The following ERICH6B variants were observed in gnomAD, a reference collection of about 807,000 sequenced individuals.
The protein encoded by ERICH6B is glutamate rich 6B, also known as glutamate-rich protein 6B.
Under a neutral mutation model 80.0 loss-of-function variants are expected in ERICH6B, and 69 were observed. The observed-to-expected ratio is 0.86, with a 90% confidence interval of 0.71 to 1.05. The LOEUF (loss-of-function observed/expected upper bound fraction) is 1.05. Ranked by LOEUF, ERICH6B falls within the 50% of genes least tolerant of loss-of-function variation. ERICH6B has a pLI of 0.00. For missense variants in ERICH6B, 754 were observed against 796.1 expected (o/e 0.95, Z 0.64); for synonymous variants, 283 against 291.9 (o/e 0.97, Z 0.31).
intron 4 of ERICH6B, among the ~76,000 whole-genome samples, chr13:45,589,085 C>G (rs1456024189): frequency 6.6e-6 from 1 of 152,170 alleles, no homozygotes; most frequent in Non-Finnish European, 1.5e-5. Context: ...CCTTCCCCAA[C>G]CCTTGCCTGT....
At position 45,580,614 on chromosome 13, in the gene ERICH6B, A is replaced by G. The variant is rs11618506; in HGVS notation, c.908T>C (p.Leu303Pro). The change falls in exon 6 of 15, where the codon CTG becomes CCG. Residue 303 changes from leucine (L) to proline (P), a missense_variant. Leu to Pro is a moderately conservative substitution (Grantham distance 98). Coordinates refer to ENST00000298738, the MANE Select transcript of ERICH6B (RefSeq NM_182542.3). ...SETEQETTTK[L>P]APEEHVNTKV... is the part of the protein sequence containing the mutation. ...ATCATAAACTTTACCTTCCGGAGCC[A>G]GCTTCGTGGTGGTTTCTTGCTCTGT... 0.07 allele frequency: 109,077 copies of G among 1,551,390 alleles called. 6,048 individuals carry two copies. Among genetic ancestry groups the G allele is most frequent in the African/African-American group, 0.27 (19,686 of 73,064 alleles).
intron 2 of ERICH6B, among the ~76,000 whole-genome samples, chr13:45,606,534 TATATA>T (rs1949865003): frequency 4.0e-4 from 7 of 17,698 alleles, no homozygotes; most frequent in African/African-American, 5.1e-4. Context: ...TATATATATA[TATATA>T]TATATATATT....
In ERICH6B at chr13:45,587,079, G is replaced by C; in HGVS notation, c.840C>G (p.Cys280Trp). The C allele has an allele frequency of 6.4e-7, 1 of 1,551,648 alleles. No individual in the cohort carries two copies. The highest frequency in any genetic ancestry group is 8.7e-7 in the Non-Finnish European group (1 of 1,146,958). The change falls in exon 5 of 15, where the codon TGC (cysteine) becomes TGG (tryptophan). Residue 280 changes from cysteine to tryptophan, a missense_variant. Transcript: ENST00000298738. Reference protein sequence around the residue: ...RRSQASQTDWCYDRTAVKSLK... With the variant: ...RRSQASQTDWWYDRTAVKSLK... ...TTCCCTCACCGGCAGTTCTGTCGTA[G>C]CACCAGTCTGTCTGACTGGCCTGGC... is the stretch of plus-strand genomic sequence containing the variant.
intron 13 of ERICH6B, 39 bp from the exon 14 acceptor site, chr13:45,545,024 C>A: frequency 6.8e-7 from 1 of 1,480,236 alleles, no homozygotes; most frequent in African/African-American, 1.4e-5. Context: ...CCAGGGCGCT[C>A]AGCCCTGGGC....
intron 3 of ERICH6B, among the ~76,000 whole-genome samples, chr13:45,596,148 TCCTC>T (rs1483575251): frequency 6.6e-6 from 1 of 152,144 alleles, no homozygotes; most frequent in Non-Finnish European, 1.5e-5. Flanking sequence ...AAATGAGTCT[TCCTC>T]CCTGTCAGCA....
intron 5 of ERICH6B, among the ~76,000 whole-genome samples, chr13:45,581,890 G>C (rs1038178511): frequency 1.3e-5 from 2 of 152,148 alleles, no homozygotes; most frequent in Non-Finnish European, 2.9e-5. Context: ...TACAGACAAG[G>C]AGCTCTCCAA....
intron 3 of ERICH6B, among the ~76,000 whole-genome samples, chr13:45,595,389 A>G (rs1258706746): frequency 6.6e-6 from 1 of 152,176 alleles, no homozygotes; most frequent in East Asian, 1.9e-4. Context: ...ATTAAATGAT[A>G]TTCATATAAG....
intron 2 of ERICH6B, among the ~76,000 whole-genome samples, chr13:45,603,058 G>T (rs948031434): frequency 3.3e-5 from 5 of 152,190 alleles, no homozygotes; most frequent in Non-Finnish European, 7.3e-5. Flanking sequence ...GAGGAGGGGG[G>T]CCCCTAGTGT....
chr13:45,573,453 T>A (rs1875258376), intron 8 of ERICH6B, among the ~76,000 whole-genome samples: 1 of 151,806 alleles, frequency 6.6e-6, no homozygotes, highest in African/African-American at 2.4e-5. Context: ...GCTTGAGACA[T>A]TTATTTCATA....
At chr13:45,614,159 C>T (rs545865367) in intron 1 of ERICH6B, among the ~76,000 whole-genome samples, 31 of 152,274 alleles carry the variant, frequency 2.0e-4, no homozygotes, top group African/African-American at 5.5e-4. Context: ...ATATTTCTGA[C>T]GGCTCCTCCA....
intron 11 of ERICH6B, among the ~76,000 whole-genome samples, chr13:45,560,412 C>T (rs1874621115): frequency 6.6e-6 from 1 of 152,124 alleles, no homozygotes; most frequent in African/African-American, 2.4e-5. Flanking sequence ...TCAACACCCC[C>T]CCACCTGAGA....
chr13:45,564,512 A>G (rs138224660), intron 9 of ERICH6B, among the ~76,000 whole-genome samples: 2 of 152,350 alleles, frequency 1.3e-5, no homozygotes, highest in East Asian at 1.9e-4. Context: ...CTTAGATCAG[A>G]TTCCTTGAAG....
intron 8 of ERICH6B, among the ~76,000 whole-genome samples, chr13:45,574,168 G>T (rs1054479752): frequency 2.0e-5 from 3 of 152,126 alleles, no homozygotes; most frequent in Admixed American, 2.0e-4. Context: ...TTTTAGGATT[G>T]TAGTCAGTAC....
At chr13:45,601,504 G>A (rs1412339383) in intron 2 of ERICH6B, among the ~76,000 whole-genome samples, 2 of 152,114 alleles carry the variant, frequency 1.3e-5, no homozygotes, top group Non-Finnish European at 2.9e-5. Context: ...CACAGGCACT[G>A]GCCACTCCAT....
At chr13:45,609,202 CT>C (rs907351383) in intron 1 of ERICH6B, among the ~76,000 whole-genome samples, 31 of 152,322 alleles carry the variant, frequency 2.0e-4, no homozygotes, top group African/African-American at 7.5e-4. Context: ...CCTCCAGTGG[CT>C]TCCACTTCCC....
At chr13:45,607,421 T>G (rs1949874477) in intron 2 of ERICH6B, 143 bp downstream of exon 2, 1 of 152,232 alleles carries the variant, frequency 6.6e-6, no homozygotes, top group Non-Finnish European at 1.5e-5. Flanking sequence ...ATCCACTTCA[T>G]GGAGGTCTAT....
chr13:45,591,629 C>T (rs1876160563), intron 3 of ERICH6B, among the ~76,000 whole-genome samples: 1 of 152,056 alleles, frequency 6.6e-6, no homozygotes, highest in Non-Finnish European at 1.5e-5. Context: ...AAAATGATGT[C>T]TCTAAAAATT....
At chr13:45,569,884 A>G (rs1875079205) in intron 8 of ERICH6B, among the ~76,000 whole-genome samples, 1 of 152,180 alleles carries the variant, frequency 6.6e-6, no homozygotes, top group African/African-American at 2.4e-5. Flanking sequence ...TTTGCTGCCC[A>G]TATTCCTGCC....
rs891830051 is a variant in ERICH6B, at chr13:45,541,398, T to C, written c.*64A>G. 7.0e-6 allele frequency: 10 copies of C among 1,427,504 alleles called. No homozygotes were observed. The highest frequency in any genetic ancestry group is 5.2e-5 in the South Asian group (4 of 76,908). 88.4% of individuals were successfully genotyped at this position (1,427,504 alleles called of 1,614,324 possible). A position where few individuals can be genotyped will look rare whatever the true frequency, so the allele number is the denominator to read the frequency against. On this transcript the variant is annotated 3_prime_UTR_variant, in exon 15 of 15. Coordinates refer to ENST00000298738, the MANE Select transcript of ERICH6B (RefSeq NM_182542.3). ...GGTCAACAGGTCTTTGGGTTTTTTT[T>C]CCCTGGAGCTCCCAAGGTCTCCAAC...
Sources: gnomAD v4.1 joint callset for allele counts (sites outside exome capture counted in the v4.1 genomes callset) on GRCh38, gnomAD v4.1.1 for gene constraint, MANE v1.5 for transcripts, NCBI Gene and HGNC (gene_info 2026-07-23, HGNC 2026-07-21) for gene names.